The following CC2D2A variants were observed in gnomAD, a reference collection of about 807,000 sequenced individuals.
CC2D2A encodes the protein coiled-coil and C2 domain containing 2A.
Under a neutral mutation model 212.9 loss-of-function variants are expected in CC2D2A, and 155 were observed. The observed-to-expected ratio is 0.73, with a 90% CI of 0.64 to 0.83. CC2D2A has a LOEUF of 0.83. Among genes scored for constraint, CC2D2A ranks in the 40% least tolerant of loss-of-function variants. The pLI is 0.00. For missense variants in CC2D2A, 1,856 were observed against 1,956.2 expected (o/e 0.95, Z 0.97); for synonymous variants, 667 against 686.5 (o/e 0.97, Z 0.44).
chr4:15,589,937 ACAGGATTTAGATT>A (rs1376871894), intron 33 of CC2D2A, among the ~76,000 whole-genome samples: 1 of 152,144 alleles, frequency 6.6e-6, no homozygotes, highest in African/African-American at 2.4e-5. Flanking sequence ...ACAAAGGAAT[ACAGGATTTAGATT>A]CAGAGGACCT....
At chr4:15,569,916 A>T (rs1720078006) in intron 27 of CC2D2A, among the ~76,000 whole-genome samples, 1 of 152,194 alleles carries the variant, frequency 6.6e-6, no homozygotes, top group African/African-American at 2.4e-5. Flanking sequence ...ACTTTCTGGG[A>T]ATGCAGCCCA....
chr4:15,480,274 G>A (rs1379741492), intron 3 of CC2D2A, among the ~76,000 whole-genome samples: 1 of 152,194 alleles, frequency 6.6e-6, no homozygotes, highest in African/African-American at 2.4e-5. Flanking sequence ...TTCACTGAGA[G>A]TGTGGGGAAG....
chr4:15,515,975 A>G lies in CC2D2A; in HGVS notation c.988A>G (p.Met330Val). The G allele has an allele frequency of 1.3e-6, 2 of 1,589,394 alleles. No homozygotes were observed. The highest frequency in any genetic ancestry group is 1.3e-5 in the African/African-American group (1 of 74,564). ...PEVARTNQNI[M>V]ENRLLMQDPE... Reference sequence around the variant, plus strand: ...GGTGGCACGCACCAATCAGAACATCATGGAGAACAGATTGCTGATGCAGGA... The same window carrying G: ...GGTGGCACGCACCAATCAGAACATCGTGGAGAACAGATTGCTGATGCAGGA... The change falls in exon 10 of 37, where the codon ATG becomes GTG. Residue 330 changes from methionine (M) to valine (V), a missense_variant. This residue lies in a region of CC2D2A where 1,512 missense variants were observed against 1,579.3 expected (regional missense o/e 0.96). Transcript: ENST00000424120.
At chr4:15,499,126 G>A (rs976624995) in intron 4 of CC2D2A, among the ~76,000 whole-genome samples, 1 of 152,172 alleles carries the variant, frequency 6.6e-6, no homozygotes. Flanking sequence ...GGCTGAATGG[G>A]TGGAGCACAG....
Position 15,527,640 on chromosome 4 carries a change from A to T in CC2D2A, c.1343A>T (p.Lys448Ile). The change falls in exon 12 of 37, where the codon AAA (lysine) becomes ATA (isoleucine). Residue 448 changes from lysine to isoleucine, a missense_variant. Coordinates refer to ENST00000424120, the MANE Select transcript of CC2D2A (RefSeq NM_001378615.1). ...GCAAGACACCAGAGAAACAAGGCGA[A>T]ATTTCTTACTGATAAGGTACATGTG... ...YLARHQRNKA[K>I]FLTDKLQALR... The T allele has an allele frequency of 1.2e-6, 2 of 1,607,600 alleles. No individual in the cohort carries two copies. Among genetic ancestry groups the T allele is most frequent in the Admixed American group, 3.4e-5 (2 of 59,120 alleles).
chr4:15,545,049 T>C (rs1478380198), intron 17 of CC2D2A, among the ~76,000 whole-genome samples: 1 of 152,218 alleles, frequency 6.6e-6, no homozygotes, highest in African/African-American at 2.4e-5. Flanking sequence ...AATGGCATAA[T>C]GGCATAGTTT....
chr4:15,494,407 A>T (rs1354292531), intron 4 of CC2D2A, among the ~76,000 whole-genome samples: 1 of 152,192 alleles, frequency 6.6e-6, no homozygotes, highest in African/African-American at 2.4e-5. Flanking sequence ...AGAACTAGAA[A>T]AAAAGATAGT....
chr4:15,569,830 C>T (rs1346038101), intron 27 of CC2D2A, among the ~76,000 whole-genome samples: 1 of 152,144 alleles, frequency 6.6e-6, no homozygotes, highest in Admixed American at 6.5e-5. Context: ...CAGGACACTC[C>T]TAAGTCTGGG....
chr4:15,487,680 C>T (rs1251255154), intron 4 of CC2D2A, among the ~76,000 whole-genome samples: 2 of 152,106 alleles, frequency 1.3e-5, no homozygotes, highest in South Asian at 4.1e-4. Flanking sequence ...GGACTTACTA[C>T]TGCCATTTTC....
rs149419068 is a variant in CC2D2A, at chr4:15,473,473, G to A, written c.-18-2442G>A. On this transcript the variant is annotated intron_variant, in intron 1 of 36. Transcript: ENST00000424120. ...GGAGAACTAGGTAGCAGGAACCGCA[G>A]CTACAAAGGTCCTGAGGCAACAGGA... Among the ~76,000 whole-genome samples, 219 of 152,274 alleles carry A rather than the reference G, an allele frequency of 1.4e-3. 3 individuals carry two copies. The highest frequency in any genetic ancestry group is 4.9e-3 in the African/African-American group (205 of 41,548).
intron 24 of CC2D2A, among the ~76,000 whole-genome samples, chr4:15,564,616 T>C (rs1293312982): frequency 6.6e-6 from 1 of 152,164 alleles, no homozygotes; most frequent in African/African-American, 2.4e-5. Flanking sequence ...GTGTCTTTTC[T>C]CCCTAGGTTC....
intron 11 of CC2D2A, among the ~76,000 whole-genome samples, chr4:15,520,943 G>A (rs1410884738): frequency 6.6e-6 from 1 of 152,152 alleles, no homozygotes; most frequent in Non-Finnish European, 1.5e-5. Context: ...CAGCCAGTAG[G>A]ACTGGAAGGG....
intron 30 of CC2D2A, among the ~76,000 whole-genome samples, chr4:15,581,204 T>C (rs1720648835): frequency 6.6e-6 from 1 of 152,204 alleles, no homozygotes. Context: ...AACCCCACTT[T>C]GTGTTCTACA....
intron 33 of CC2D2A, among the ~76,000 whole-genome samples, 179 bp downstream of exon 33, chr4:15,589,858 T>C (rs2109092360): frequency 6.6e-6 from 1 of 151,686 alleles, no homozygotes; most frequent in African/African-American, 2.4e-5. Flanking sequence ...GGCGGAACTG[T>C]GCTAAATACA....
intron 30 of CC2D2A, among the ~76,000 whole-genome samples, chr4:15,581,195 A>C (rs879739488): frequency 7.2e-5 from 11 of 152,104 alleles, no homozygotes; most frequent in Admixed American, 3.3e-4. Context: ...ATCAAAAAAA[A>C]CCCCACTTTG....
chr4:15,549,979 T>C (rs1718912701), intron 17 of CC2D2A, among the ~76,000 whole-genome samples: 1 of 152,096 alleles, frequency 6.6e-6, no homozygotes, highest in African/African-American at 2.4e-5. Flanking sequence ...AATCAGCATT[T>C]TTCAAAAAAT....
intron 32 of CC2D2A, 78 bp from the exon 33 acceptor site, chr4:15,589,467 G>C: frequency 8.1e-7 from 1 of 1,236,420 alleles, no homozygotes; most frequent in African/African-American, 1.5e-5. Context: ...GTAAAATAAT[G>C]AATTGTCTGT....
chr4:15,520,540 T>C (rs936423810), intron 11 of CC2D2A, among the ~76,000 whole-genome samples: 9 of 152,132 alleles, frequency 5.9e-5, no homozygotes, highest in Admixed American at 2.0e-4. Context: ...ATATGGAGGG[T>C]AGGGCATGAG....
At chr4:15,600,042 T>C (rs532096203) in intron 36 of CC2D2A, among the ~76,000 whole-genome samples, 9 of 152,302 alleles carry the variant, frequency 5.9e-5, no homozygotes, top group Non-Finnish European at 1.3e-4. Flanking sequence ...GGATATGGTT[T>C]TATACTGATT....
Sources: allele counts gnomAD v4.1 joint callset (sites outside exome capture counted in the v4.1 genomes callset), GRCh38; gene constraint gnomAD v4.1.1; regional missense constraint gnomAD v4.1.1; transcripts MANE v1.5; gene names NCBI Gene and HGNC (gene_info 2026-07-23, HGNC 2026-07-21).